The following CRIM1 variants were observed in gnomAD, a reference collection of about 807,000 sequenced individuals.
CRIM1 encodes cysteine rich transmembrane BMP regulator 1.
CRIM1 carries 32 observed loss-of-function variants against 116.4 expected under a neutral mutation model. The observed-to-expected ratio is 0.27, with a 90% CI of 0.21 to 0.37. The LOEUF is 0.37. CRIM1 is among the 10% of genes least tolerant of loss of function. The pLI is 1.00. For synonymous variants in CRIM1, 590 were observed against 509.2 expected (o/e 1.16, Z -2.13); for missense variants, 1,331 against 1,354.8 (o/e 0.98, Z 0.28).
At chr2:36,409,612 G>C (rs1345501276) in intron 2 of CRIM1, among the ~76,000 whole-genome samples, 3 of 152,180 alleles carry the variant, frequency 2.0e-5, no homozygotes, top group African/African-American at 7.2e-5. Flanking sequence ...GGGTAGAGCA[G>C]CCATACCCAG....
chr2:36,404,029 A>G (rs1277577840), intron 2 of CRIM1, among the ~76,000 whole-genome samples: 1 of 152,140 alleles, frequency 6.6e-6, no homozygotes, highest in Non-Finnish European at 1.5e-5. Flanking sequence ...TAATGTGCAT[A>G]ATGGAGGAAA....
intron 4 of CRIM1, among the ~76,000 whole-genome samples, chr2:36,450,879 T>C (rs549641551): frequency 6.6e-6 from 1 of 152,356 alleles, no homozygotes; most frequent in African/African-American, 2.4e-5. Context: ...CTTAGCAGAT[T>C]GCTAGCACAC....
chr2:36,439,463 T>C (rs1675602775), intron 2 of CRIM1, among the ~76,000 whole-genome samples: 1 of 152,182 alleles, frequency 6.6e-6, no homozygotes, highest in African/African-American at 2.4e-5. Flanking sequence ...TAGTGAACGG[T>C]ACAGTCTTGA....
intron 1 of CRIM1, chr2:36,378,851 C>G (rs2148328839): frequency 6.8e-6 from 1 of 147,720 alleles, no homozygotes; most frequent in South Asian, 2.2e-4. Flanking sequence ...CTCTGTCACC[C>G]AGGCTGGAGT....
At chr2:36,394,871 A>C (rs1671894744) in intron 1 of CRIM1, among the ~76,000 whole-genome samples, 1 of 152,112 alleles carries the variant, frequency 6.6e-6, no homozygotes, top group Non-Finnish European at 1.5e-5. Flanking sequence ...AGTAGATGAC[A>C]TTCTTGTAAC....
intron 11 of CRIM1, 49 bp from the exon 12 acceptor site, chr2:36,517,278 G>T: frequency 6.7e-7 from 1 of 1,483,322 alleles, no homozygotes; most frequent in Non-Finnish European, 9.4e-7. Flanking sequence ...TTCAAGAGTT[G>T]GAAAGATTGC....
chr2:36,401,943 G>A (rs182152863), intron 2 of CRIM1, among the ~76,000 whole-genome samples: 47 of 152,152 alleles, frequency 3.1e-4, no homozygotes, highest in Admixed American at 1.6e-3. Context: ...TCCTGCCACC[G>A]GAACTCTAGC....
chr2:36,464,653 A>G lies in CRIM1; in HGVS notation c.989A>G (p.Asn330Ser), dbSNP rs772054312. The change falls in exon 5 of 17, where the codon AAT becomes AGT. Residue 330 changes from asparagine to serine, a missense_variant and splice_region_variant. Coordinates refer to ENST00000280527, the MANE Select transcript of CRIM1 (RefSeq NM_016441.3). ...GKCCDVFECV[N>S]DTKPACVFNN... ...TGCTGTGATGTCTTTGAATGTGTTAATGGTACGTGGGGTTTCTCTTGTTCT... is the reference window on the plus strand; with the variant it reads ...TGCTGTGATGTCTTTGAATGTGTTAGTGGTACGTGGGGTTTCTCTTGTTCT... The G allele has an allele frequency of 1.2e-6, 2 of 1,613,932 alleles. No individual in the cohort carries two copies. Among genetic ancestry groups the G allele is most frequent in the South Asian group, 1.1e-5 (1 of 91,070 alleles).
intron 2 of CRIM1, among the ~76,000 whole-genome samples, chr2:36,399,412 G>A (rs1672260458): frequency 1.3e-5 from 2 of 152,080 alleles, no homozygotes; most frequent in African/African-American, 4.8e-5. Flanking sequence ...AGTGGCAGCA[G>A]GAAAACAGCA....
Position 36,379,736 on chromosome 2 carries a change from T to TTC in CRIM1, c.332-16872_332-16871dup, listed in dbSNP as rs200798597. 2.4e-3 allele frequency among the ~76,000 whole-genome samples: 337 copies of TTC among 141,194 alleles called. 15 individuals carry two copies. The highest frequency in any genetic ancestry group is 0.011 in the Middle Eastern group (3 of 266). 92.6% of individuals were successfully genotyped at this position (141,194 alleles called of 152,430 possible). A position where few individuals can be genotyped will look rare whatever the true frequency, so the allele number is the denominator to read the frequency against. The stretch of plus-strand genomic sequence containing the variant: ...TTGGTCAGGGATTCTATTTCTTTCT[T>TTC]TCTCTCTTTTTTTTTTTTTTTTTTT... On this transcript the variant is annotated intron_variant, in intron 1 of 16. Coordinates refer to ENST00000280527, the MANE Select transcript of CRIM1 (RefSeq NM_016441.3).
At chr2:36,503,298 C>A (rs138537433) in intron 8 of CRIM1, among the ~76,000 whole-genome samples, 1 of 152,322 alleles carries the variant, frequency 6.6e-6, no homozygotes, top group Non-Finnish European at 1.5e-5. Context: ...ATTATGCTGA[C>A]TTCCACATGG....
At chr2:36,483,738 A>G (rs570861971) in intron 7 of CRIM1, among the ~76,000 whole-genome samples, 11 of 152,320 alleles carry the variant, frequency 7.2e-5, no homozygotes, top group Admixed American at 3.3e-4. Flanking sequence ...TGAGTAAATA[A>G]TAAGTGAGGA....
chr2:36,533,541 C>G (rs1044341682), intron 13 of CRIM1, among the ~76,000 whole-genome samples: 1 of 152,054 alleles, frequency 6.6e-6, no homozygotes, highest in African/African-American at 2.4e-5. Flanking sequence ...GTTCAAAGAG[C>G]TATGATTGCA....
At chr2:36,366,380 C>A (rs894741950) in intron 1 of CRIM1, among the ~76,000 whole-genome samples, 1 of 151,884 alleles carries the variant, frequency 6.6e-6, no homozygotes, top group African/African-American at 2.4e-5. Flanking sequence ...TTCAGACTAT[C>A]CTGAGAACAT....
chr2:36,455,430 A>G (rs1263754769), intron 4 of CRIM1, among the ~76,000 whole-genome samples: 4 of 152,214 alleles, frequency 2.6e-5, no homozygotes, highest in Admixed American at 2.0e-4. Flanking sequence ...CCCACTGTAC[A>G]TAGGCTACAA....
chr2:36,479,134 T>C (rs1679210332), intron 6 of CRIM1, among the ~76,000 whole-genome samples: 1 of 152,248 alleles, frequency 6.6e-6, no homozygotes, highest in Non-Finnish European at 1.5e-5. Flanking sequence ...TAAACATTTA[T>C]GTCTACAACT....
At chr2:36,467,786 G>GTGA (rs969752379) in intron 5 of CRIM1, among the ~76,000 whole-genome samples, 1 of 152,174 alleles carries the variant, frequency 6.6e-6, no homozygotes, top group Admixed American at 6.5e-5. Context: ...GGCCATCAAA[G>GTGA]TGAAAAAGGA....
At chr2:36,426,062 G>C (rs1328506486) in intron 2 of CRIM1, among the ~76,000 whole-genome samples, 1 of 152,220 alleles carries the variant, frequency 6.6e-6, no homozygotes, top group Non-Finnish European at 1.5e-5. Context: ...AAGAAGGCCT[G>C]GTGATGGGAG....
intron 5 of CRIM1, 45 bp from the exon 6 acceptor site, chr2:36,476,844 A>T (rs778949121): frequency 4.0e-6 from 6 of 1,517,808 alleles, no homozygotes; most frequent in Non-Finnish European, 5.4e-6. Context: ...GGACACAACT[A>T]AAAAATGACT....
Sources: gnomAD v4.1 joint callset for allele counts (sites outside exome capture counted in the v4.1 genomes callset) on GRCh38, gnomAD v4.1.1 for gene constraint, MANE v1.5 for transcripts, NCBI Gene and HGNC (gene_info 2026-07-23, HGNC 2026-07-21) for gene names.